Variants in RAD51B observed in about 807,000 individuals in gnomAD.
The protein encoded by RAD51B is DNA repair protein RAD51 homolog 2.
RAD51B carries 38 observed loss-of-function variants against 42.2 expected under a neutral mutation model. The observed-to-expected ratio is 0.90, with a 90% confidence interval of 0.70 to 1.18. The LOEUF (loss-of-function observed/expected upper bound fraction) is 1.18, where lower values mean the gene tolerates loss of function less well. Ranked by LOEUF, RAD51B falls within the 50% of genes most tolerant of loss-of-function variation. The pLI, the probability that RAD51B is intolerant of heterozygous loss-of-function variation, is 0.00. For missense variants in RAD51B, 373 were observed against 400.7 expected, an observed-to-expected ratio of 0.93 and a Z score of 0.59; for synonymous variants, 154 against 145.2, an observed-to-expected ratio of 1.06 and a Z score of -0.43.
chr14:68,571,281 A>C (rs1889687719), intron 10 of RAD51B, among the ~76,000 whole-genome samples: 1 of 152,218 alleles, frequency 6.6e-6, no homozygotes, highest in African/African-American at 2.4e-5. Flanking sequence ...CTGCCATACA[A>C]ACTTAGTAGC....
intron 9 of RAD51B, among the ~76,000 whole-genome samples, chr14:68,436,463 G>C (rs952034927): frequency 2.6e-5 from 4 of 152,026 alleles, no homozygotes; most frequent in Admixed American, 1.3e-4. Context: ...TGATGCTTCT[G>C]GCTTTATTAT....
chr14:67,890,050 A>T (rs1185939680), intron 7 of RAD51B, among the ~76,000 whole-genome samples: 1 of 152,208 alleles, frequency 6.6e-6, no homozygotes, highest in Non-Finnish European at 1.5e-5. Flanking sequence ...TAGGCTCTGA[A>T]GCTGTTTAGA....
chr14:68,133,136 G>T (rs1216506584), intron 7 of RAD51B, among the ~76,000 whole-genome samples: 1 of 152,204 alleles, frequency 6.6e-6, no homozygotes, highest in Non-Finnish European at 1.5e-5. Context: ...AAATATTAGA[G>T]AAATGAATCT....
intron 7 of RAD51B, among the ~76,000 whole-genome samples, chr14:68,160,844 C>T (rs139059522): frequency 1.3e-5 from 2 of 152,278 alleles, no homozygotes; most frequent in Non-Finnish European, 2.9e-5. Context: ...GGCAAACAAA[C>T]CAGAATCTGC....
At chr14:68,315,097 C>A (rs1282099865) in intron 8 of RAD51B, among the ~76,000 whole-genome samples, 1 of 152,214 alleles carries the variant, frequency 6.6e-6, no homozygotes, top group Non-Finnish European at 1.5e-5. Flanking sequence ...CAATGAAGTT[C>A]ACAGTACAGA....
chr14:67,950,323 A>G (rs1368782926), intron 7 of RAD51B, among the ~76,000 whole-genome samples: 1 of 152,230 alleles, frequency 6.6e-6, no homozygotes, highest in Non-Finnish European at 1.5e-5. Context: ...TGCAGCATCT[A>G]CATCCACACT....
chr14:68,584,880 A>G (rs1187997845), intron 10 of RAD51B, among the ~76,000 whole-genome samples: 2 of 152,240 alleles, frequency 1.3e-5, no homozygotes, highest in African/African-American at 4.8e-5. Context: ...CATTTTCTGA[A>G]CATGAGGAAA....
chr14:67,999,843 G>C (rs1050135161), intron 7 of RAD51B, among the ~76,000 whole-genome samples: 4 of 152,008 alleles, frequency 2.6e-5, no homozygotes, highest in East Asian at 1.9e-4. Flanking sequence ...GGTGGAGTAG[G>C]GTTTTGATAT....
chr14:68,548,542 G>A (rs973335151), intron 10 of RAD51B, among the ~76,000 whole-genome samples: 1 of 152,214 alleles, frequency 6.6e-6, no homozygotes, highest in African/African-American at 2.4e-5. Flanking sequence ...CTCTGTGCAC[G>A]CCTCTTCTCC....
Position 68,010,575 on chromosome 14 carries a change from TC to T in RAD51B, c.756+123372del, listed in dbSNP as rs577753532. Among the ~76,000 whole-genome samples the T allele has an allele frequency of 4.6e-3, 705 of 151,922 alleles. 9 individuals carry two copies. Among genetic ancestry groups the T allele is most frequent in the African/African-American group, 0.016 (672 of 41,522 alleles). On this transcript the variant is annotated intron_variant, in intron 7 of 10. Transcript: ENST00000471583. ...TCTGTTTTGTTAATATAAAAATATT[TC>T]TTGTGTCAGAAGAATTCAGATGCTT...
At chr14:68,134,593 G>A (rs1011436566) in intron 7 of RAD51B, among the ~76,000 whole-genome samples, 8 of 151,914 alleles carry the variant, frequency 5.3e-5, no homozygotes, top group Admixed American at 1.3e-4. Context: ...ATCATTTAGC[G>A]TTATCATTAA....
At chr14:68,373,264 A>C (rs2083296899) in intron 8 of RAD51B, among the ~76,000 whole-genome samples, 1 of 152,192 alleles carries the variant, frequency 6.6e-6, no homozygotes, top group African/African-American at 2.4e-5. Flanking sequence ...TTAATCCTCT[A>C]AACTCTATCA....
At chr14:68,360,914 C>T (rs746264410) in intron 8 of RAD51B, among the ~76,000 whole-genome samples, 29 of 152,190 alleles carry the variant, frequency 1.9e-4, no homozygotes, top group Non-Finnish European at 3.7e-4. Context: ...AGAGCAAGGC[C>T]TGTCTGTTCA....
intron 7 of RAD51B, chr14:67,908,280 T>G (rs1465612621): frequency 6.6e-6 from 1 of 152,146 alleles, no homozygotes; most frequent in African/African-American, 2.4e-5. Flanking sequence ...GCTGTGGTCT[T>G]GGGACTGAGG....
chr14:68,425,312 T>G (rs932014810), intron 9 of RAD51B, among the ~76,000 whole-genome samples: 43 of 152,322 alleles, frequency 2.8e-4, no homozygotes, highest in African/African-American at 1.0e-3. Context: ...TGAATGTGTC[T>G]CCAAAACAGC....
chr14:67,846,683 C>T (rs1461348815), intron 4 of RAD51B, among the ~76,000 whole-genome samples: 4 of 152,178 alleles, frequency 2.6e-5, no homozygotes, highest in Non-Finnish European at 5.9e-5. Flanking sequence ...TGCAAGTGTG[C>T]TCCACCAGGT....
At chr14:68,367,075 A>G (rs1334520298) in intron 8 of RAD51B, among the ~76,000 whole-genome samples, 1 of 152,242 alleles carries the variant, frequency 6.6e-6, no homozygotes, top group Non-Finnish European at 1.5e-5. Context: ...GATTTTTTTC[A>G]GAGCATTTTG....
chr14:68,151,755 T>C (rs2078387496), intron 7 of RAD51B, among the ~76,000 whole-genome samples: 1 of 151,746 alleles, frequency 6.6e-6, no homozygotes, highest in Non-Finnish European at 1.5e-5. Context: ...TGTTTACCAC[T>C]AGAAATTTGA....
In RAD51B at chr14:67,871,251, G is replaced by A. The variant is rs574421911; in HGVS notation, c.452+6112G>A. 3.3e-5 allele frequency among the ~76,000 whole-genome samples: 5 copies of A among 151,912 alleles called. No homozygotes were observed. In the South Asian group the frequency reaches 8.3e-4, roughly 25 times the overall value. Reference sequence around the variant, plus strand: ...TAGATGCAATAAAAAATGATAAAGGGGATATCATCACCGATCCCACAGAAA... The same window carrying A: ...TAGATGCAATAAAAAATGATAAAGGAGATATCATCACCGATCCCACAGAAA... On this transcript the variant is annotated intron_variant, in intron 5 of 10. Transcript: ENST00000471583.
Sources: gnomAD v4.1 joint callset for allele counts (sites outside exome capture counted in the v4.1 genomes callset) on GRCh38, gnomAD v4.1.1 for gene constraint, MANE v1.5 for transcripts, NCBI Gene and HGNC (gene_info 2026-07-23, HGNC 2026-07-21) for gene names.